The following UNC13C variants were observed in gnomAD, a reference collection of about 807,000 sequenced individuals.
UNC13C encodes protein unc-13 homolog C.
A neutral mutation model predicts 245.4 loss-of-function variants in UNC13C; 174 were observed. The ratio of observed to expected loss-of-function variants is 0.71; its 90% CI spans 0.63 to 0.80. The LOEUF is 0.80. Ranked by LOEUF, UNC13C falls within the 30% of genes least tolerant of loss-of-function variation. The pLI is 0.00. For missense variants in UNC13C, 2,829 were observed against 2,602.9 expected (o/e 1.09, Z -1.89); for synonymous variants, 992 against 895.1 (o/e 1.11, Z -1.93).
chr15:54,239,882 A>G (rs950872709), intron 7 of UNC13C, among the ~76,000 whole-genome samples: 1 of 152,222 alleles, frequency 6.6e-6, no homozygotes, highest in Admixed American at 6.5e-5. Flanking sequence ...CAAAGCATCT[A>G]GTCTTCTTTT....
intron 4 of UNC13C, among the ~76,000 whole-genome samples, chr15:54,201,419 A>C (rs1299479183): frequency 6.6e-6 from 1 of 152,056 alleles, no homozygotes; most frequent in Non-Finnish European, 1.5e-5. Flanking sequence ...TCGTCAACAA[A>C]ATAATAGGGA....
At chr15:54,440,492 A>T (rs1890461848) in intron 19 of UNC13C, among the ~76,000 whole-genome samples, 3 of 151,850 alleles carry the variant, frequency 2.0e-5, no homozygotes. Flanking sequence ...TGATTTCATT[A>T]TTTTTTATGG....
At chr15:54,463,336 C>G (rs1384719116) in intron 19 of UNC13C, among the ~76,000 whole-genome samples, 1 of 141,922 alleles carries the variant, frequency 7.0e-6, no homozygotes, top group Non-Finnish European at 1.5e-5. Context: ...TAGCAACCCA[C>G]TGGGGTCCCC....
intron 22 of UNC13C, among the ~76,000 whole-genome samples, chr15:54,503,257 A>T (rs1196078894): frequency 6.6e-6 from 1 of 152,202 alleles, no homozygotes; most frequent in African/African-American, 2.4e-5. Flanking sequence ...AGTGATTTTC[A>T]TTGAAAAAGA....
chr15:53,900,774 C>G, the UNC13C span, among the ~76,000 whole-genome samples: 1 of 152,034 alleles, frequency 6.6e-6, no homozygotes, highest in Non-Finnish European at 1.5e-5. Context: ...GATCTGGGTC[C>G]CAAATCTGCA....
intron 30 of UNC13C, among the ~76,000 whole-genome samples, chr15:54,594,696 A>G (rs1352415541): frequency 6.6e-6 from 1 of 152,158 alleles, no homozygotes; most frequent in Non-Finnish European, 1.5e-5. Flanking sequence ...AACATCCCCA[A>G]GTCTATTTCT....
chr15:54,139,540 G>A (rs1322353800), intron 2 of UNC13C, among the ~76,000 whole-genome samples: 4 of 152,032 alleles, frequency 2.6e-5, no homozygotes, highest in Non-Finnish European at 4.4e-5. Context: ...TTTTTAACTT[G>A]TATTATTACA....
chr15:54,602,392 T>C (rs1408269273), intron 30 of UNC13C, among the ~76,000 whole-genome samples: 6 of 152,178 alleles, frequency 3.9e-5, no homozygotes, highest in Non-Finnish European at 8.8e-5. Context: ...CACACATACC[T>C]GTGCCCTCCT....
chr15:54,380,428 G>T (rs2140898263), intron 17 of UNC13C, among the ~76,000 whole-genome samples: 1 of 152,256 alleles, frequency 6.6e-6, no homozygotes, highest in Non-Finnish European at 1.5e-5. Context: ...ATGCTACAAT[G>T]AATATGGGAG....
chr15:54,107,081 T>C (rs1900484327), intron 2 of UNC13C, among the ~76,000 whole-genome samples: 1 of 152,254 alleles, frequency 6.6e-6, no homozygotes, highest in Non-Finnish European at 1.5e-5. Flanking sequence ...TATATTTTTG[T>C]GTAGAACCAT....
At chr15:54,188,087 G>A (rs2034058048) in intron 4 of UNC13C, among the ~76,000 whole-genome samples, 1 of 152,040 alleles carries the variant, frequency 6.6e-6, no homozygotes, top group African/African-American at 2.4e-5. Flanking sequence ...CAAAGTGCTG[G>A]GATTACAGCC....
At chr15:54,566,520 G>C (rs1254274114) in intron 29 of UNC13C, among the ~76,000 whole-genome samples, 1 of 152,042 alleles carries the variant, frequency 6.6e-6, no homozygotes, top group Non-Finnish European at 1.5e-5. Context: ...AGAGCACCTA[G>C]CTAGAATCAG....
chr15:53,980,416 A>C (rs12101794), intron 1 of UNC13C, among the ~76,000 whole-genome samples: 1,559 of 152,306 alleles, frequency 0.01, 30 homozygotes, highest in African/African-American at 0.036. Context: ...CTATGTTGAC[A>C]TCTTGTATAA....
chr15:54,154,192 C>T (rs184733730), intron 4 of UNC13C, among the ~76,000 whole-genome samples: 1 of 151,988 alleles, frequency 6.6e-6, no homozygotes, highest in Non-Finnish European at 1.5e-5. Flanking sequence ...TCCCCACCTC[C>T]TCTGTATTCT....
At chr15:54,056,360 G>C (rs970576050) in intron 2 of UNC13C, among the ~76,000 whole-genome samples, 4 of 152,158 alleles carry the variant, frequency 2.6e-5, no homozygotes, top group Non-Finnish European at 5.9e-5. Context: ...AAGGGTATCA[G>C]CAATGGAAGA....
intron 26 of UNC13C, among the ~76,000 whole-genome samples, chr15:54,542,788 T>C (rs1419096648): frequency 6.6e-6 from 1 of 152,174 alleles, no homozygotes; most frequent in East Asian, 1.9e-4. Context: ...TTTGTTGGTT[T>C]AAAGTCTGTT....
chr15:54,187,049 T>A (rs988141093), intron 4 of UNC13C, among the ~76,000 whole-genome samples: 1 of 151,884 alleles, frequency 6.6e-6, no homozygotes, highest in Non-Finnish European at 1.5e-5. Context: ...GGTTTCACCA[T>A]GTTGGCCAGG....
At chr15:54,178,520 T>C (rs1209414542) in intron 4 of UNC13C, among the ~76,000 whole-genome samples, 1 of 152,106 alleles carries the variant, frequency 6.6e-6, no homozygotes, top group African/African-American at 2.4e-5. Context: ...TAATAAGTAG[T>C]TCCTAGAAAC....
At chr15:53,941,632 CTT>C in the UNC13C span, among the ~76,000 whole-genome samples, 1 of 151,790 alleles carries the variant, frequency 6.6e-6, no homozygotes, top group South Asian at 2.1e-4. Context: ...AGGCAAAAGA[CTT>C]TTGGAAGAAA....
Sources: gnomAD v4.1 joint callset for allele counts (sites outside exome capture counted in the v4.1 genomes callset) on GRCh38, gnomAD v4.1.1 for gene constraint, MANE v1.5 for transcripts, NCBI Gene and HGNC (gene_info 2026-07-23, HGNC 2026-07-21) for gene names.